PLCXD3: variants seen among roughly 807,000 people sequenced by gnomAD.
PLCXD3 encodes the protein phosphatidylinositol specific phospholipase C X domain containing 3.
PLCXD3 carries 19 observed loss-of-function variants against 25.5 expected under a neutral mutation model. The observed-to-expected ratio is 0.75, with a 90% CI of 0.52 to 1.09. PLCXD3 has a LOEUF of 1.09. Among genes scored for constraint, PLCXD3 ranks in the 50% least tolerant of loss-of-function variants. PLCXD3 has a pLI of 0.00. For missense variants in PLCXD3, 411 were observed against 388.1 expected (o/e 1.06, Z -0.50); for synonymous variants, 174 against 137.6 (o/e 1.26, Z -1.85).
At chr5:41,391,247 A>G (rs1645060) in intron 1 of PLCXD3, among the ~76,000 whole-genome samples, 140,245 of 152,158 alleles carry the variant, frequency 0.92, 65,075 homozygotes, top group African/African-American at 0.97. Context: ...CAAAAAGAGT[A>G]CTGTTATCAC....
chr5:41,430,769 T>A lies in PLCXD3; in HGVS notation c.104-48235A>T, dbSNP rs545271552. Among the ~76,000 whole-genome samples, 79 of 152,280 alleles carry A rather than the reference T, an allele frequency of 5.2e-4. 1 individual carries two copies. The East Asian group carries it at 0.014, about 27-fold the overall frequency. On this transcript the variant is annotated intron_variant, in intron 1 of 2. Transcript: ENST00000377801. ...TTGAGGATATAAATTATTCGAAAGC[T>A]TTTGGGGGAAATAAAACTTTTACAT...
At chr5:41,484,363 C>T (rs1416902849) in intron 1 of PLCXD3, among the ~76,000 whole-genome samples, 2 of 152,068 alleles carry the variant, frequency 1.3e-5, no homozygotes, top group Non-Finnish European at 2.9e-5. Context: ...ATGCATTAGT[C>T]ACACACCTTT....
chr5:41,343,388 A>T (rs889611956), intron 2 of PLCXD3, among the ~76,000 whole-genome samples: 1 of 152,204 alleles, frequency 6.6e-6, no homozygotes, highest in African/African-American at 2.4e-5. Context: ...AAAAAAAATC[A>T]ATCCAAAGGC....
intron 2 of PLCXD3, among the ~76,000 whole-genome samples, chr5:41,343,969 C>CT (rs944128002): frequency 1.3e-5 from 2 of 151,888 alleles, no homozygotes; most frequent in East Asian, 1.9e-4. Flanking sequence ...AACTGTATTG[C>CT]TTTTTTTTCT....
chr5:41,372,551 A>G (rs1477024360), intron 2 of PLCXD3, among the ~76,000 whole-genome samples: 1 of 152,110 alleles, frequency 6.6e-6, no homozygotes, highest in Non-Finnish European at 1.5e-5. Context: ...AGTTGTTAAA[A>G]TGGAGAATTA....
chr5:41,428,374 G>GTTTTTTTTTTTTTTTTTTTTTTTTTTT lies in PLCXD3; in HGVS notation c.104-45841_104-45840insAAAAAAAAAAAAAAAAAAAAAAAAAAA, dbSNP rs373244601. On this transcript the variant is annotated intron_variant, in intron 1 of 2. Coordinates refer to ENST00000377801, the MANE Select transcript of PLCXD3 (RefSeq NM_001005473.3). ...TAAAGAGGTGATTAAGTTAAAATGA[G>GTTTTTTTTTTTTTTTTTTTTTTTTTTT]TTTTTTTGTTTTTGTTTTTGTTTTT... 6.6e-5 allele frequency among the ~76,000 whole-genome samples: 6 copies of GTTTTTTTTTTTTTTTTTTTTTTTTTTT among 91,600 alleles called. 3 individuals carry two copies. The highest frequency in any genetic ancestry group is 1.4e-4 in the Non-Finnish European group (6 of 43,082). 60.1% of individuals were successfully genotyped at this position (91,600 alleles called of 152,430 possible). A position where few individuals can be genotyped will look rare whatever the true frequency, so the allele number is the denominator to read the frequency against.
At chr5:41,314,629 T>C (rs959724529) in intron 2 of PLCXD3, among the ~76,000 whole-genome samples, 1 of 152,176 alleles carries the variant, frequency 6.6e-6, no homozygotes, top group Non-Finnish European at 1.5e-5. Flanking sequence ...GAGTTAGTCA[T>C]GTGGCTATCT....
chr5:41,483,161 G>T (rs188006440), intron 1 of PLCXD3, among the ~76,000 whole-genome samples: 1 of 152,264 alleles, frequency 6.6e-6, no homozygotes, highest in Non-Finnish European at 1.5e-5. Flanking sequence ...AACCTGACAT[G>T]ATCTTAATCT....
At chr5:41,361,491 A>T (rs1395661597) in intron 2 of PLCXD3, among the ~76,000 whole-genome samples, 2 of 152,192 alleles carry the variant, frequency 1.3e-5, no homozygotes, top group African/African-American at 4.8e-5. Context: ...GAGTCTCCAC[A>T]TGTTGCTCCA....
At chr5:41,351,378 C>T (rs1397879361) in intron 2 of PLCXD3, among the ~76,000 whole-genome samples, 1 of 152,148 alleles carries the variant, frequency 6.6e-6, no homozygotes, top group African/African-American at 2.4e-5. Context: ...TTCCTTTCAT[C>T]CATCATTGTA....
At chr5:41,470,192 A>T (rs962388521) in intron 1 of PLCXD3, among the ~76,000 whole-genome samples, 1 of 152,198 alleles carries the variant, frequency 6.6e-6, no homozygotes, top group South Asian at 2.1e-4. Context: ...TTAAAAAACC[A>T]TAAGAATTAT....
intron 2 of PLCXD3, among the ~76,000 whole-genome samples, chr5:41,370,271 A>G (rs935522735): frequency 1.1e-4 from 17 of 152,228 alleles, no homozygotes; most frequent in African/African-American, 4.1e-4. Context: ...CATACAGAGC[A>G]AGAGCCAGAA....
intron 1 of PLCXD3, among the ~76,000 whole-genome samples, chr5:41,401,589 T>C (rs564434511): frequency 6.6e-6 from 1 of 152,066 alleles, no homozygotes; most frequent in African/African-American, 2.4e-5. Flanking sequence ...ACTATTATGA[T>C]AGGCAGCCTT....
chr5:41,377,022 C>T (rs1745316369), intron 2 of PLCXD3, among the ~76,000 whole-genome samples: 1 of 152,160 alleles, frequency 6.6e-6, no homozygotes, highest in Admixed American at 6.5e-5. Flanking sequence ...TTATAAGACT[C>T]CATATCTGAG....
chr5:41,496,347 G>A (rs976436628), intron 1 of PLCXD3, among the ~76,000 whole-genome samples: 4 of 151,814 alleles, frequency 2.6e-5, no homozygotes, highest in Non-Finnish European at 4.4e-5. Context: ...GAAAGAAATA[G>A]GCTTTCAGAT....
At chr5:41,357,200 G>A (rs143606673) in intron 2 of PLCXD3, among the ~76,000 whole-genome samples, 328 of 152,298 alleles carry the variant, frequency 2.2e-3, no homozygotes, top group Non-Finnish European at 3.7e-3. Context: ...CAGCTAGCCT[G>A]ACCTTTCAAT....
intron 1 of PLCXD3, among the ~76,000 whole-genome samples, chr5:41,394,464 A>G (rs927200847): frequency 6.6e-6 from 1 of 152,166 alleles, no homozygotes; most frequent in Non-Finnish European, 1.5e-5. Context: ...AGTTCTTACT[A>G]ATCAATAATA....
At chr5:41,322,463 T>C (rs961686285) in intron 2 of PLCXD3, among the ~76,000 whole-genome samples, 1 of 152,206 alleles carries the variant, frequency 6.6e-6, no homozygotes, top group Non-Finnish European at 1.5e-5. Context: ...TTGGTGGGAA[T>C]GTACATTAGT....
intron 1 of PLCXD3, among the ~76,000 whole-genome samples, chr5:41,415,827 G>A (rs916566137): frequency 5.9e-5 from 9 of 152,142 alleles, no homozygotes; most frequent in African/African-American, 2.2e-4. Flanking sequence ...ATCTGTCAAA[G>A]TGTTAAAACA....
Sources: gnomAD v4.1 joint callset for allele counts (sites outside exome capture counted in the v4.1 genomes callset) on GRCh38, gnomAD v4.1.1 for gene constraint, MANE v1.5 for transcripts, NCBI Gene and HGNC (gene_info 2026-07-23, HGNC 2026-07-21) for gene names.